CPLX1: variants seen among roughly 807,000 people sequenced by gnomAD.
CPLX1 encodes the protein complexin 1.
A neutral mutation model predicts 15.6 loss-of-function variants in CPLX1; 6 were observed. The ratio of observed to expected loss-of-function variants is 0.39; its 90% CI spans 0.21 to 0.76. The LOEUF is 0.76. Among genes scored for constraint, CPLX1 ranks in the 30% least tolerant of loss-of-function variants. The probability of loss-of-function intolerance (pLI) is 0.43; values close to 1 mark genes in which losing one functional copy is unlikely to be tolerated. For synonymous variants in CPLX1, 91 were observed against 75.2 expected, an observed-to-expected ratio of 1.21 and a Z score of -1.08; for missense variants, 242 against 188.6, an observed-to-expected ratio of 1.28 and a Z score of -1.66.
intron 2 of CPLX1, among the ~76,000 whole-genome samples, chr4:819,239 G>A (rs977656360): frequency 6.6e-6 from 1 of 152,236 alleles, no homozygotes; most frequent in South Asian, 2.1e-4. Flanking sequence ...TTTGTCAGTT[G>A]AAGTGCATAA....
At chr4:787,190 G>C in intron 3 of CPLX1, 1 of 985,322 alleles carries the variant, frequency 1.0e-6, no homozygotes. Context: ...CGCGGCCCCA[G>C]CAGGGCCACT....
intron 2 of CPLX1, among the ~76,000 whole-genome samples, chr4:805,375 G>A (rs1183591085): frequency 6.6e-6 from 1 of 152,166 alleles, no homozygotes; most frequent in African/African-American, 2.4e-5. Context: ...TGCTTACAAG[G>A]GCCAGGTGTC....
At chr4:794,658 C>A (rs1412257800) in intron 2 of CPLX1, among the ~76,000 whole-genome samples, 1 of 152,194 alleles carries the variant, frequency 6.6e-6, no homozygotes, top group African/African-American at 2.4e-5. Context: ...AAATCTTAAC[C>A]CCCATGAGAA....
chr4:803,417 A>G (rs1359876734), intron 2 of CPLX1, among the ~76,000 whole-genome samples: 3 of 151,782 alleles, frequency 2.0e-5, no homozygotes, highest in Non-Finnish European at 2.9e-5. Flanking sequence ...TTGAGACGGA[A>G]TCTCGCTCTG....
At chr4:824,813 T>G (rs778775468) in intron 1 of CPLX1, 5 of 636,728 alleles carry the variant, frequency 7.9e-6, no homozygotes, top group Non-Finnish European at 1.5e-5. Context: ...GCTCCTGGGG[T>G]GTCTGAAGCC....
intron 2 of CPLX1, among the ~76,000 whole-genome samples, chr4:819,527 C>G (rs138401320): frequency 7.9e-4 from 121 of 152,358 alleles, no homozygotes; most frequent in African/African-American, 2.9e-3. Context: ...TGCAAACTGC[C>G]TTTCGAGCAC....
intron 2 of CPLX1, among the ~76,000 whole-genome samples, chr4:817,956 G>A (rs996951832): frequency 6.6e-6 from 1 of 152,160 alleles, no homozygotes; most frequent in African/African-American, 2.4e-5. Flanking sequence ...AGTCTGACAG[G>A]GGACACTGGA....
At chr4:822,350 T>C (rs1576999681) in intron 2 of CPLX1, among the ~76,000 whole-genome samples, 1 of 150,640 alleles carries the variant, frequency 6.6e-6, no homozygotes. Context: ...TGTCTCTGTT[T>C]CTCCCTGTCT....
intron 2 of CPLX1, among the ~76,000 whole-genome samples, chr4:809,013 C>T (rs1008730658): frequency 5.3e-5 from 8 of 152,274 alleles, no homozygotes; most frequent in East Asian, 1.9e-4. Context: ...CGCGCGAGTG[C>T]GCGGGCGGCA....
intron 2 of CPLX1, among the ~76,000 whole-genome samples, chr4:802,892 G>A (rs973011859): frequency 4.0e-5 from 6 of 151,606 alleles, no homozygotes; most frequent in Non-Finnish European, 7.4e-5. Context: ...CAGATGTTGC[G>A]GTGAGCCGAG....
chr4:807,648 T>TA (rs1054012588), intron 2 of CPLX1, among the ~76,000 whole-genome samples: 1 of 151,970 alleles, frequency 6.6e-6, no homozygotes, highest in Non-Finnish European at 1.5e-5. Flanking sequence ...CCAATTTTTT[T>TA]TTATTATTAT....
intron 3 of CPLX1, chr4:787,181 G>A (rs1577466320): frequency 1.0e-5 from 10 of 985,288 alleles, no homozygotes; most frequent in African/African-American, 1.7e-5. Context: ...GGATGCGGCC[G>A]CGGCCCCAGC....
At chr4:788,501 G>A (rs1162535221) in intron 3 of CPLX1, 2 of 985,328 alleles carry the variant, frequency 2.0e-6, no homozygotes, top group Non-Finnish European at 2.4e-6. Flanking sequence ...GGACTCCAGG[G>A]GTCTCCTCAG....
At chr4:807,675 G>A (rs1325545813) in intron 2 of CPLX1, among the ~76,000 whole-genome samples, 1 of 151,978 alleles carries the variant, frequency 6.6e-6, no homozygotes, top group East Asian at 1.9e-4. Context: ...TAGAGATGGG[G>A]TTTTCACCAT....
intron 2 of CPLX1, among the ~76,000 whole-genome samples, chr4:812,751 T>G (rs1746687128): frequency 6.6e-6 from 1 of 151,832 alleles, no homozygotes; most frequent in African/African-American, 2.4e-5. Context: ...TAACGCTGCG[T>G]GTCCTAACGC....
chr4:793,253 C>T (rs751770528), intron 2 of CPLX1, among the ~76,000 whole-genome samples: 2 of 152,076 alleles, frequency 1.3e-5, no homozygotes, highest in African/African-American at 2.4e-5. Flanking sequence ...CCAAGTCTGA[C>T]CCCTGGGGCA....
intron 3 of CPLX1, among the ~76,000 whole-genome samples, chr4:789,875 C>T (rs1457211874): frequency 2.0e-5 from 3 of 152,124 alleles, no homozygotes; most frequent in African/African-American, 7.2e-5. Flanking sequence ...CTGGAGGCAG[C>T]AGGTGTTCTG....
intron 2 of CPLX1, among the ~76,000 whole-genome samples, chr4:818,783 C>T (rs987621589): frequency 1.3e-5 from 2 of 152,250 alleles, no homozygotes; most frequent in South Asian, 2.1e-4. Flanking sequence ...CTCCTGAAAG[C>T]GAGGACCAGG....
intron 2 of CPLX1, among the ~76,000 whole-genome samples, chr4:799,129 G>A (rs1003335662): frequency 3.9e-5 from 6 of 152,194 alleles, no homozygotes; most frequent in African/African-American, 1.4e-4. Flanking sequence ...CACCTGTGCA[G>A]GGCAGGACTC....
Sources: gnomAD v4.1 joint callset for allele counts (sites outside exome capture counted in the v4.1 genomes callset) on GRCh38, gnomAD v4.1.1 for gene constraint, MANE v1.5 for transcripts, NCBI Gene and HGNC (gene_info 2026-07-23, HGNC 2026-07-21) for gene names.